MICU1: variants seen among roughly 807,000 people sequenced by gnomAD.
MICU1 encodes the protein calcium uptake protein 1, mitochondrial.
MICU1 carries 45 observed loss-of-function variants against 56.8 expected under a neutral mutation model. That is an observed-to-expected ratio of 0.79 (90% CI 0.62 to 1.02). MICU1 has a LOEUF of 1.02. Ranked by LOEUF, MICU1 falls within the 50% of genes least tolerant of loss-of-function variation. The probability of loss-of-function intolerance (pLI) is 0.00; values close to 1 mark genes in which losing one functional copy is unlikely to be tolerated. For missense variants in MICU1, 504 were observed against 587.1 expected (o/e 0.86, Z 1.46); for synonymous variants, 186 against 195.1 (o/e 0.95, Z 0.39).
chr10:72,386,854 A>C (rs902199461), intron 10 of MICU1, among the ~76,000 whole-genome samples: 12 of 152,210 alleles, frequency 7.9e-5, no homozygotes, highest in Admixed American at 7.2e-4. Flanking sequence ...TCATTTTTTG[A>C]CAGAGTGCAC....
At chr10:72,374,943 T>G (rs1035050066) in intron 11 of MICU1, among the ~76,000 whole-genome samples, 15 of 150,384 alleles carry the variant, frequency 1.0e-4, no homozygotes, top group African/African-American at 2.7e-4. Context: ...CTCGAGTAGC[T>G]GGGATTTCAG....
At chr10:72,586,623 G>A (rs1841069505) in intron 1 of MICU1, among the ~76,000 whole-genome samples, 1 of 151,178 alleles carries the variant, frequency 6.6e-6, no homozygotes, top group Non-Finnish European at 1.5e-5. Context: ...CTGTACTCCG[G>A]CCTGGGCAAC....
chr10:72,511,150 A>C (rs1564910856), intron 5 of MICU1, among the ~76,000 whole-genome samples: 1 of 152,108 alleles, frequency 6.6e-6, no homozygotes, highest in African/African-American at 2.4e-5. Context: ...TTACCATTTA[A>C]CCACACAGTA....
chr10:72,574,286 T>G (rs61514059), intron 1 of MICU1, among the ~76,000 whole-genome samples: 2,864 of 152,254 alleles, frequency 0.019, 101 homozygotes, highest in African/African-American at 0.066. Context: ...CTCAAGTACT[T>G]TGGGAGGCTG....
intron 1 of MICU1, chr10:72,582,723 T>C (rs1162357421): frequency 6.7e-6 from 1 of 150,296 alleles, no homozygotes; most frequent in Non-Finnish European, 1.5e-5. Flanking sequence ...AAAGCTACAG[T>C]GAGCGAGCCA....
At chr10:72,436,253 G>C (rs949291602) in intron 8 of MICU1, among the ~76,000 whole-genome samples, 2 of 152,186 alleles carry the variant, frequency 1.3e-5, no homozygotes, top group African/African-American at 4.8e-5. Context: ...GCCTCCACTG[G>C]TGATACCCAG....
intron 9 of MICU1, among the ~76,000 whole-genome samples, chr10:72,414,247 T>C (rs1270688921): frequency 2.6e-5 from 4 of 152,164 alleles, no homozygotes; most frequent in Non-Finnish European, 5.9e-5. Context: ...TAAAATTTAG[T>C]ATATCCAAGC....
chr10:72,469,362 A>C (rs1057323686), intron 8 of MICU1, among the ~76,000 whole-genome samples: 1 of 152,250 alleles, frequency 6.6e-6, no homozygotes, highest in African/African-American at 2.4e-5. Flanking sequence ...GATACAAAGA[A>C]TGGTGGAATT....
At chr10:72,584,464 T>A (rs1360645805) in intron 1 of MICU1, among the ~76,000 whole-genome samples, 1 of 152,228 alleles carries the variant, frequency 6.6e-6, no homozygotes, top group Non-Finnish European at 1.5e-5. Flanking sequence ...TAAATAAGGT[T>A]TCAATATGTA....
chr10:72,384,114 C>T (rs1388962831), intron 10 of MICU1, among the ~76,000 whole-genome samples: 1 of 152,184 alleles, frequency 6.6e-6, no homozygotes, highest in Non-Finnish European at 1.5e-5. Flanking sequence ...CCGCCTCAGC[C>T]TCGGAAGTAG....
At chr10:72,503,326 C>G (rs1161257126) in intron 6 of MICU1, among the ~76,000 whole-genome samples, 1 of 152,164 alleles carries the variant, frequency 6.6e-6, no homozygotes, top group Non-Finnish European at 1.5e-5. Flanking sequence ...TTAAAAAGAA[C>G]ATGTGCCAAA....
chr10:72,387,698 TA>T (rs1209861752), intron 10 of MICU1, among the ~76,000 whole-genome samples: 2 of 147,046 alleles, frequency 1.4e-5, no homozygotes, highest in Non-Finnish European at 3.0e-5. Flanking sequence ...TCTAAGCTAA[TA>T]AAAATGTCAA....
intron 8 of MICU1, among the ~76,000 whole-genome samples, chr10:72,424,176 G>C (rs1253985420): frequency 1.3e-5 from 2 of 151,042 alleles, no homozygotes; most frequent in Non-Finnish European, 2.9e-5. Context: ...GCAATGGTGC[G>C]ATCTTGGTTT....
At chr10:72,556,168 G>A (rs1344891326) in intron 3 of MICU1, among the ~76,000 whole-genome samples, 1 of 152,102 alleles carries the variant, frequency 6.6e-6, no homozygotes, top group Non-Finnish European at 1.5e-5. Context: ...CTCCATTTTC[G>A]AGACTCCCTC....
Position 72,392,913 on chromosome 10 carries a change from T to A in MICU1, c.1180+15016A>T, listed in dbSNP as rs78578501. 9.1e-4 allele frequency among the ~76,000 whole-genome samples: 139 copies of A among 152,296 alleles called. 2 individuals are homozygous for A. The East Asian group carries it at 0.025, about 27-fold the overall frequency. ...GGGACATCTGGGAGCATGGAAGGATTTGGAAAGGCTAGCTGAGTGCATGCT... is the reference window on the plus strand; with the variant it reads ...GGGACATCTGGGAGCATGGAAGGATATGGAAAGGCTAGCTGAGTGCATGCT... On this transcript the variant is annotated intron_variant, in intron 10 of 11. Transcript: ENST00000361114.
chr10:72,509,438 GAA>G, intron 5 of MICU1: 1 of 1,317,634 alleles, frequency 7.6e-7, no homozygotes, highest in South Asian at 1.2e-5. Context: ...ACAAAGGAAA[GAA>G]AACTGGTTAA....
At chr10:72,396,876 G>C (rs1040280335) in intron 10 of MICU1, among the ~76,000 whole-genome samples, 3 of 152,148 alleles carry the variant, frequency 2.0e-5, no homozygotes, top group African/African-American at 7.2e-5. Flanking sequence ...ATATTATCCA[G>C]GAGAACTTCC....
chr10:72,540,624 T>C (rs371755705), intron 4 of MICU1, among the ~76,000 whole-genome samples: 2 of 152,200 alleles, frequency 1.3e-5, no homozygotes, highest in African/African-American at 4.8e-5. Flanking sequence ...ACATGAACTA[T>C]GAACATGCCA....
Position 72,375,780 on chromosome 10 carries a change from C to T in MICU1, c.1270+3G>A, listed in dbSNP as rs752973917. 1.9e-6 allele frequency: 3 copies of T among 1,611,646 alleles called. No individual in the cohort carries two copies. The South Asian group carries it at 3.3e-5, about 18-fold the overall frequency. On this transcript the variant is annotated splice_donor_region_variant and intron_variant, in intron 11 of 11. Coordinates refer to ENST00000361114, the MANE Select transcript of MICU1 (RefSeq NM_001195518.2). ...CCTCCGGGCTCCAGAGGGCCCCACT[C>T]ACCATCACAGTCAAAGAGTGCAAAC... is the stretch of plus-strand genomic sequence containing the variant.
Sources: allele counts gnomAD v4.1 joint callset (sites outside exome capture counted in the v4.1 genomes callset), GRCh38; gene constraint gnomAD v4.1.1; transcripts MANE v1.5; gene names NCBI Gene and HGNC (gene_info 2026-07-23, HGNC 2026-07-21).